Variants in SRFBP1 observed in about 807,000 individuals in gnomAD.
SRFBP1 encodes serum response factor binding protein 1, also known as serum response factor-binding protein 1.
Under a neutral mutation model 45.5 loss-of-function variants are expected in SRFBP1, and 47 were observed. The observed-to-expected ratio is 1.03, with a 90% confidence interval of 0.82 to 1.32. The LOEUF is 1.32. SRFBP1 is among the 40% of genes most tolerant of loss of function. The probability of loss-of-function intolerance (pLI) is 0.00; values close to 1 mark genes in which losing one functional copy is unlikely to be tolerated. For missense variants in SRFBP1, 621 were observed against 484.6 expected (o/e 1.28, Z -2.64); for synonymous variants, 203 against 166.3 (o/e 1.22, Z -1.70).
chr5:121,971,573 A>G (rs1436706525), intron 1 of SRFBP1, among the ~76,000 whole-genome samples: 1 of 152,012 alleles, frequency 6.6e-6, no homozygotes, highest in Non-Finnish European at 1.5e-5. Context: ...GCTTGAAGCT[A>G]AAAGGAGTGA....
chr5:121,978,400 C>T (rs1234976730), intron 3 of SRFBP1, among the ~76,000 whole-genome samples: 3 of 151,922 alleles, frequency 2.0e-5, no homozygotes, highest in African/African-American at 7.3e-5. Flanking sequence ...TGAAACTTGC[C>T]ATCTAGGAAA....
intron 4 of SRFBP1, among the ~76,000 whole-genome samples, chr5:121,994,992 A>G (rs1384504193): frequency 2.0e-5 from 3 of 151,110 alleles, no homozygotes; most frequent in Non-Finnish European, 2.9e-5. Context: ...TCCTAAATAT[A>G]TATGCACCCA....
At chr5:121,972,351 C>G (rs971371390) in intron 1 of SRFBP1, among the ~76,000 whole-genome samples, 3 of 151,734 alleles carry the variant, frequency 2.0e-5, no homozygotes, top group Admixed American at 2.0e-4. Context: ...ATTTTCTCCA[C>G]ACGATTGAAA....
chr5:121,991,321 A>G (rs1319656878), intron 3 of SRFBP1, among the ~76,000 whole-genome samples: 1 of 152,122 alleles, frequency 6.6e-6, no homozygotes, highest in African/African-American at 2.4e-5. Flanking sequence ...TCCTACAGTG[A>G]TAAAAAAAAA....
chr5:122,052,646 G>A (rs1325530219), intron 2 of SRFBP1, among the ~76,000 whole-genome samples: 2 of 152,080 alleles, frequency 1.3e-5, no homozygotes, highest in Non-Finnish European at 2.9e-5. Flanking sequence ...GTCAGCTCCT[G>A]TATCGTTTTA....
chr5:122,028,919 T>G (rs1300288916), downstream of SRFBP1, among the ~76,000 whole-genome samples: 1 of 152,154 alleles, frequency 6.6e-6, no homozygotes, highest in Admixed American at 6.5e-5. Flanking sequence ...TGTTAGCTGT[T>G]AGCTATTAGA....
At chr5:122,028,702 G>A (rs1309869814), downstream of SRFBP1, 1 of 151,886 alleles carries the variant, frequency 6.6e-6, no homozygotes, top group Non-Finnish European at 1.5e-5. Flanking sequence ...CATTGTTTTT[G>A]TACTTCTTTC....
rs907591604 is a variant in SRFBP1, at chr5:122,020,924, C to T, written c.1067+122C>T. 5.7e-6 allele frequency: 5 copies of T among 877,808 alleles called. No homozygotes were observed. In the African/African-American group the frequency reaches 7.0e-5, roughly 12 times the overall value. The allele number at this position is 877,808 out of a possible 1,614,324, so 54.4% of individuals were successfully genotyped here. Reference sequence around the variant, plus strand: ...TTGTACAACCCATCCTGTTTTTAGACATGGCCCTCTCCAAGGTTGTAGTGG... The same window carrying T: ...TTGTACAACCCATCCTGTTTTTAGATATGGCCCTCTCCAAGGTTGTAGTGG... On this transcript the variant is annotated intron_variant, in intron 6 of 7. Coordinates refer to ENST00000339397, the MANE Select transcript of SRFBP1 (RefSeq NM_152546.3).
chr5:121,989,401 G>T (rs528890502), intron 3 of SRFBP1, among the ~76,000 whole-genome samples: 2 of 151,916 alleles, frequency 1.3e-5, no homozygotes, highest in Non-Finnish European at 2.9e-5. Context: ...GCTAAGTGTC[G>T]CTGTCTGATT....
At chr5:122,014,523 T>C (rs1753158194) in intron 4 of SRFBP1, among the ~76,000 whole-genome samples, 3 of 151,510 alleles carry the variant, frequency 2.0e-5, no homozygotes, top group African/African-American at 4.8e-5. Context: ...TCCACAAAGA[T>C]TGCAACATAA....
intron 3 of SRFBP1, among the ~76,000 whole-genome samples, chr5:121,993,513 G>A (rs1752657185): frequency 6.6e-6 from 1 of 152,088 alleles, no homozygotes. Flanking sequence ...CCAGAAAGAT[G>A]ATGATCTAAT....
In SRFBP1 at chr5:122,025,843, G is replaced by A. The variant is rs186006915; in HGVS notation, c.1106-1099G>A. Reference sequence around the variant, plus strand: ...AGGCCGAGCACGGTGGCTCATGCCTGTAATCCCAGCACTTTGGGAGGCTGA... The same window carrying A: ...AGGCCGAGCACGGTGGCTCATGCCTATAATCCCAGCACTTTGGGAGGCTGA... On this transcript the variant is annotated intron_variant, in intron 7 of 7. Transcript: ENST00000339397. Among the ~76,000 whole-genome samples the A allele has an allele frequency of 2.6e-5, 4 of 152,322 alleles. No individual in the cohort carries two copies. In the East Asian group the frequency reaches 5.8e-4, roughly 22 times the overall value.
chr5:122,040,569 C>G (rs574193884), intron 2 of SRFBP1, among the ~76,000 whole-genome samples: 1 of 152,206 alleles, frequency 6.6e-6, no homozygotes, highest in South Asian at 2.1e-4. Flanking sequence ...CAATGCTTAG[C>G]TTTGCTCTCT....
intron 2 of SRFBP1, among the ~76,000 whole-genome samples, chr5:122,074,592 C>A (rs1754559956): frequency 6.6e-6 from 1 of 152,134 alleles, no homozygotes. Flanking sequence ...AAATTGAGTT[C>A]TCACATATTT....
intron 3 of SRFBP1, among the ~76,000 whole-genome samples, chr5:121,993,485 T>C (rs1410467179): frequency 1.3e-5 from 2 of 152,156 alleles, no homozygotes; most frequent in African/African-American, 2.4e-5. Context: ...TTTTTGAATT[T>C]ATCATAGAGG....
chr5:122,036,931 G>C (rs1233261096), intron 2 of SRFBP1, among the ~76,000 whole-genome samples: 2 of 146,048 alleles, frequency 1.4e-5, no homozygotes, highest in African/African-American at 2.5e-5. Context: ...TTTCACTCTT[G>C]TTGCCCAGGC....
intron 4 of SRFBP1, among the ~76,000 whole-genome samples, chr5:122,014,680 G>C (rs1422534421): frequency 6.6e-6 from 1 of 152,122 alleles, no homozygotes; most frequent in African/African-American, 2.4e-5. Context: ...TACTAAATCA[G>C]CGTTAGTCTG....
At chr5:122,077,215 A>T, downstream of SRFBP1, 5 of 1,489,192 alleles carry the variant, frequency 3.4e-6, no homozygotes, top group Non-Finnish European at 4.5e-6. This position sits in a 1 kb window ranked among gnomAD's most constrained non-coding sequence, Gnocchi z 4.9. Context: ...ACTGGATTCC[A>T]GGGCTGCCAC....
At chr5:122,032,061 G>A (rs942064882), downstream of SRFBP1, among the ~76,000 whole-genome samples, 7 of 152,128 alleles carry the variant, frequency 4.6e-5, no homozygotes, top group Admixed American at 6.5e-5. Context: ...CTGATTATAC[G>A]ACCTTGTGAA....
Sources: gnomAD v4.1 joint callset for allele counts (sites outside exome capture counted in the v4.1 genomes callset) on GRCh38, gnomAD v4.1.1 for gene constraint, Gnocchi (gnomAD v3.1) non-coding constraint, MANE v1.5 for transcripts, NCBI Gene and HGNC (gene_info 2026-07-23, HGNC 2026-07-21) for gene names.